Variants in GPM6B observed in about 807,000 individuals in gnomAD.
GPM6B encodes the protein neuronal membrane glycoprotein M6-b.
Under a neutral mutation model 27.2 loss-of-function variants are expected in GPM6B, and 4 were observed. That is an observed-to-expected ratio of 0.15 (90% CI 0.07 to 0.34). The LOEUF is 0.34. Ranked by LOEUF, GPM6B falls within the 10% of genes least tolerant of loss-of-function variation. The probability of loss-of-function intolerance (pLI) is 1.00; values close to 1 mark genes in which losing one functional copy is unlikely to be tolerated. For missense variants in GPM6B, 183 were observed against 261.9 expected (o/e 0.70, Z 2.08); for synonymous variants, 124 against 103.1 (o/e 1.20, Z -1.23).
chrX:13,780,400 A>G (rs2048494609), intron 4 of GPM6B, among the ~76,000 whole-genome samples: 1 of 111,968 alleles, frequency 8.9e-6, no homozygotes, highest in African/African-American at 3.2e-5. Flanking sequence ...GATGTATTCC[A>G]TATACCACTG....
rs148644682 is a variant in GPM6B, at chrX:13,872,544, T to C, written c.-198+65783A>G. Among the ~76,000 whole-genome samples, 168 of 110,595 alleles carry C rather than the reference T, an allele frequency of 1.5e-3. 1 individual carries two copies. The highest frequency in any genetic ancestry group is 5.2e-3 in the African/African-American group (159 of 30,359). ...AGACAACAAGCATACACTGGGACTTTCCAGGCCAACCAGGACATATGGTCA... is the reference window on the plus strand; with the variant it reads ...AGACAACAAGCATACACTGGGACTTCCCAGGCCAACCAGGACATATGGTCA... On this transcript the variant is annotated intron_variant, in intron 1 of 6. Coordinates refer to the GPM6B transcript ENST00000398361.
At chrX:13,809,870 G>C (rs768683228) in intron 1 of GPM6B, among the ~76,000 whole-genome samples, 1 of 100,581 alleles carries the variant, frequency 9.9e-6, no homozygotes, top group East Asian at 3.1e-4. Flanking sequence ...CCAGGAGATG[G>C]AGGTTGCAGT....
chrX:13,935,481 G>A (rs1195420743), intron 1 of GPM6B, among the ~76,000 whole-genome samples: 1 of 111,373 alleles, frequency 9.0e-6, no homozygotes, highest in Admixed American at 9.5e-5. Flanking sequence ...TCAGGCCACT[G>A]CAGTACAGCA....
intron 1 of GPM6B, among the ~76,000 whole-genome samples, chrX:13,883,866 A>T (rs867211743): frequency 9.5e-5 from 9 of 94,644 alleles, no homozygotes; most frequent in East Asian, 6.9e-4. Context: ...AAAAAAAAAA[A>T]TTTTAAACAT....
chrX:13,938,119 G>A (rs998764242), intron 1 of GPM6B, among the ~76,000 whole-genome samples: 2 of 110,576 alleles, frequency 1.8e-5, no homozygotes, highest in South Asian at 3.9e-4. Context: ...CGGGCGACAG[G>A]GAGAGCGTCC....
At chrX:13,834,123 G>A (rs141961774) in intron 1 of GPM6B, among the ~76,000 whole-genome samples, 1,286 of 112,485 alleles carry the variant, frequency 0.011, 9 homozygotes, top group African/African-American at 0.026. Flanking sequence ...AAACAGGAGG[G>A]AAATTTTAAA....
At chrX:13,887,289 G>T (rs373378774) in intron 1 of GPM6B, among the ~76,000 whole-genome samples, 19 of 112,515 alleles carry the variant, frequency 1.7e-4, no homozygotes, top group African/African-American at 6.1e-4. Context: ...CCTTCAGGAG[G>T]GCCTGTAGGG....
At chrX:13,850,354 T>C (rs2049700630) in intron 1 of GPM6B, among the ~76,000 whole-genome samples, 1 of 112,439 alleles carries the variant, frequency 8.9e-6, no homozygotes, top group South Asian at 3.7e-4. Flanking sequence ...CCTTCTGCCA[T>C]GAGTGGAAGC....
intron 1 of GPM6B, among the ~76,000 whole-genome samples, chrX:13,875,732 A>G (rs754639083): frequency 8.9e-6 from 1 of 112,464 alleles, no homozygotes; most frequent in South Asian, 3.7e-4. Context: ...ACATGGATGA[A>G]TGTTGACAAC....
intron 1 of GPM6B, among the ~76,000 whole-genome samples, chrX:13,920,997 G>T (rs7877967): frequency 9.0e-6 from 1 of 110,701 alleles, no homozygotes; most frequent in African/African-American, 3.3e-5. Context: ...GCTAGAAAGA[G>T]GCTTAAATAG....
At chrX:13,869,305 C>T (rs893916536) in intron 1 of GPM6B, among the ~76,000 whole-genome samples, 2 of 109,452 alleles carry the variant, frequency 1.8e-5, no homozygotes, top group African/African-American at 6.7e-5. Flanking sequence ...AAAATGGTTG[C>T]TTGGCAGCAG....
intron 1 of GPM6B, among the ~76,000 whole-genome samples, chrX:13,875,734 G>A (rs970301565): frequency 8.9e-6 from 1 of 112,352 alleles, no homozygotes; most frequent in African/African-American, 3.2e-5. Flanking sequence ...ATGGATGAAT[G>A]TTGACAACAT....
At chrX:13,803,308 C>G (rs2048957416) in intron 2 of GPM6B, among the ~76,000 whole-genome samples, 1 of 110,542 alleles carries the variant, frequency 9.0e-6, no homozygotes, top group Non-Finnish European at 1.9e-5. Flanking sequence ...TACCCGCCCC[C>G]ACCCCACAAC....
chrX:13,778,054 GTT>G (rs34053837), intron 5 of GPM6B, among the ~76,000 whole-genome samples: 6 of 93,776 alleles, frequency 6.4e-5, no homozygotes, highest in South Asian at 5.0e-4. Context: ...AAATTGGTTT[GTT>G]TTTTTTTTTT....
At chrX:13,859,768 G>A (rs2049822253) in intron 1 of GPM6B, among the ~76,000 whole-genome samples, 1 of 111,498 alleles carries the variant, frequency 9.0e-6, no homozygotes, top group African/African-American at 3.3e-5. Flanking sequence ...GATTAGATGA[G>A]TTAATATAAA....
intron 2 of GPM6B, among the ~76,000 whole-genome samples, chrX:13,791,906 T>TC (rs756108717): frequency 1.3e-3 from 141 of 109,384 alleles, no homozygotes; most frequent in Non-Finnish European, 2.3e-3. Flanking sequence ...ACACACACCC[T>TC]CCCAAACACC....
intron 1 of GPM6B, among the ~76,000 whole-genome samples, chrX:13,874,560 A>AAG (rs1374284877): frequency 2.8e-5 from 3 of 108,464 alleles, no homozygotes; most frequent in Non-Finnish European, 3.8e-5. Flanking sequence ...AAAAAAAAAA[A>AAG]TTAGCTGGGC....
At chrX:13,867,031 C>T (rs1188002829) in intron 1 of GPM6B, among the ~76,000 whole-genome samples, 4 of 112,042 alleles carry the variant, frequency 3.6e-5, no homozygotes, top group African/African-American at 1.3e-4. Context: ...CAAGATCAGC[C>T]TCTCTTGCTT....
At chrX:13,895,903 C>T (rs781096875) in intron 1 of GPM6B, among the ~76,000 whole-genome samples, 6 of 107,928 alleles carry the variant, frequency 5.6e-5, no homozygotes, top group Non-Finnish European at 1.1e-4. Flanking sequence ...CAACATTTTG[C>T]GAGGCCCAGA....
Sources: allele counts gnomAD v4.1 joint callset (sites outside exome capture counted in the v4.1 genomes callset), GRCh38; gene constraint gnomAD v4.1.1; transcripts MANE v1.5; gene names NCBI Gene and HGNC (gene_info 2026-07-23, HGNC 2026-07-21).